The following ZNF462 variants were observed in gnomAD, a reference collection of about 807,000 sequenced individuals.
ZNF462 encodes the protein zinc finger protein 462, also known as zinc finger PBX1-interacting protein.
In ZNF462, 10 loss-of-function variants were observed where a neutral mutation model predicts 201.9. That is an observed-to-expected ratio of 0.05 (90% CI 0.03 to 0.08). ZNF462 has a LOEUF of 0.08. Among genes scored for constraint, ZNF462 ranks in the 10% least tolerant of loss-of-function variants. The pLI, the probability that ZNF462 is intolerant of heterozygous loss-of-function variation, is 1.00. For missense variants in ZNF462, 2,523 were observed against 3,168.3 expected, an observed-to-expected ratio of 0.80 and a Z score of 4.89; for synonymous variants, 1,227 against 1,193.3, an observed-to-expected ratio of 1.03 and a Z score of -0.58.
At position 106,917,848 on chromosome 9, in the gene ZNF462, ATATTTATT is replaced by A. The variant is rs57577781; in HGVS notation, c.-30-5468_-30-5461del. Among the ~76,000 whole-genome samples, 3,572 of 145,692 alleles carry A rather than the reference ATATTTATT, an allele frequency of 0.025. 113 individuals carry two copies. The highest frequency in any genetic ancestry group is 0.07 in the African/African-American group (2,762 of 39,452). On this transcript the variant is annotated intron_variant, in intron 1 of 12. Transcript: ENST00000277225. This position sits in a 1 kb window ranked among gnomAD's most constrained non-coding sequence, Gnocchi z 4.5. ...TATTTTGCTGGTTTATTATTTTTTT[ATATTTATT>A]TATTTATTTATTTATTTATTTATTT...
chr9:106,887,161 G>T (rs1201480064), intron 1 of ZNF462, among the ~76,000 whole-genome samples: 1 of 152,158 alleles, frequency 6.6e-6, no homozygotes. Flanking sequence ...GTAGCAGTTT[G>T]AACGAATGAT....
At chr9:106,877,643 G>A (rs2130897373) in intron 1 of ZNF462, among the ~76,000 whole-genome samples, 2 of 152,222 alleles carry the variant, frequency 1.3e-5, no homozygotes, top group Non-Finnish European at 2.9e-5. Flanking sequence ...GCCTCCCAAA[G>A]TGTTGGGCTT....
At chr9:106,871,815 A>T (rs1827604398) in intron 1 of ZNF462, among the ~76,000 whole-genome samples, 1 of 152,242 alleles carries the variant, frequency 6.6e-6, no homozygotes, top group Admixed American at 6.5e-5. Flanking sequence ...AAACAGCTGC[A>T]TTATTAATGG....
rs1266250670 is a variant in ZNF462 at position 107,011,350 on chromosome 9, A to G, written c.*320A>G. On this transcript the variant is annotated 3_prime_UTR_variant, in exon 13 of 13. Transcript: ENST00000277225. The surrounding 1 kb of genome is among the most constrained non-coding windows in gnomAD (Gnocchi z 5.6). ...GCACCCTGTGGTGGTCTTGGACAGT[A>G]TGTGGAAACAGAAGCTCCATGACGG... is the stretch of plus-strand genomic sequence containing the variant. 4.4e-6 allele frequency: 1 copy of G among 227,878 alleles called. No homozygotes were observed. The highest frequency in any genetic ancestry group is 8.6e-6 in the Non-Finnish European group (1 of 115,698). The allele number at this position is 227,878 out of a possible 1,614,324, so 14.1% of individuals were successfully genotyped here.
At chr9:106,958,423 C>T (rs1831677814) in intron 7 of ZNF462, among the ~76,000 whole-genome samples, 1 of 152,106 alleles carries the variant, frequency 6.6e-6, no homozygotes, top group Non-Finnish European at 1.5e-5. Context: ...TGTAGCTACA[C>T]TGAATACCCT....
chr9:106,980,205 T>G (rs552430298), intron 9 of ZNF462, among the ~76,000 whole-genome samples: 5 of 152,292 alleles, frequency 3.3e-5, no homozygotes, highest in Non-Finnish European at 7.4e-5. Flanking sequence ...GGAACTGTTT[T>G]GCTTGTGTTT....
At chr9:106,988,814 G>T (rs73524927) in intron 10 of ZNF462, among the ~76,000 whole-genome samples, 12,731 of 151,938 alleles carry the variant, frequency 0.084, 1,290 homozygotes, top group African/African-American at 0.24. Context: ...AAAAGGGGTT[G>T]GGTTCTTGAT....
chr9:106,875,130 TG>T (rs1827772291), intron 1 of ZNF462, among the ~76,000 whole-genome samples: 1 of 152,194 alleles, frequency 6.6e-6, no homozygotes, highest in South Asian at 2.1e-4. Flanking sequence ...GGTAAATATC[TG>T]ATGTTTCCAA....
chr9:106,887,310 T>C (rs761236338), intron 1 of ZNF462, among the ~76,000 whole-genome samples: 3 of 152,226 alleles, frequency 2.0e-5, no homozygotes, highest in Non-Finnish European at 2.9e-5. Flanking sequence ...TTACATGTTA[T>C]CCACAGCTGG....
chr9:106,973,135 A>G (rs1826721200), intron 8 of ZNF462, among the ~76,000 whole-genome samples: 1 of 152,218 alleles, frequency 6.6e-6, no homozygotes, highest in Non-Finnish European at 1.5e-5. Flanking sequence ...CAAAGCAAAC[A>G]CTAATAAGTG....
chr9:106,915,492 T>G (rs1382775158), intron 1 of ZNF462, among the ~76,000 whole-genome samples: 1 of 152,224 alleles, frequency 6.6e-6, no homozygotes, highest in Non-Finnish European at 1.5e-5. Flanking sequence ...TTAGCTTTCA[T>G]TTTTAGAACA....
chr9:106,901,975 A>G (rs1448714187), intron 1 of ZNF462, among the ~76,000 whole-genome samples: 1 of 151,994 alleles, frequency 6.6e-6, no homozygotes, highest in Non-Finnish European at 1.5e-5. Context: ...GAGTGGTGAG[A>G]GTGGACATCC....
In ZNF462 at chr9:106,950,864, C is replaced by A. The variant is rs1021255628; in HGVS notation, c.6427+11757C>A. 1.3e-5 allele frequency among the ~76,000 whole-genome samples: 2 copies of A among 152,050 alleles called. No homozygotes were observed. The highest frequency in any genetic ancestry group is 2.9e-5 in the Non-Finnish European group (2 of 68,014). On this transcript the variant is annotated intron_variant, in intron 7 of 12. Coordinates refer to ENST00000277225, the MANE Select transcript of ZNF462 (RefSeq NM_021224.6). This position sits in a 1 kb window ranked among gnomAD's most constrained non-coding sequence, Gnocchi z 4.1. ...CAGCACTTTGGGAGGCCAAGGCAGG[C>A]GGATTGCCTGAAGTCAGGAGTTCAA... is the stretch of plus-strand genomic sequence containing the variant.
rs2131611831 is a variant in ZNF462 at position 106,938,480 on chromosome 9, A to G, written c.6236-436A>G. Among the ~76,000 whole-genome samples the G allele has an allele frequency of 6.6e-6, 1 of 152,312 alleles. No individual in the cohort carries two copies. Among genetic ancestry groups the G allele is most frequent in the South Asian group, 2.1e-4 (1 of 4,828 alleles). On this transcript the variant is annotated intron_variant, in intron 6 of 12. Coordinates refer to ENST00000277225, the MANE Select transcript of ZNF462 (RefSeq NM_021224.6). This position sits in a 1 kb window ranked among gnomAD's most constrained non-coding sequence, Gnocchi z 4.4. ...ATGACTTTGTGATTAAAAAGCCACT[A>G]ATAGATCTTTGGAATAATAATTAAG...
In ZNF462 at chr9:106,972,935, G is replaced by A. The variant is rs574582633; in HGVS notation, c.6695+663G>A. Among the ~76,000 whole-genome samples, 120 of 152,308 alleles carry A rather than the reference G, an allele frequency of 7.9e-4. No homozygotes were observed. The highest frequency in any genetic ancestry group is 1.6e-3 in the Non-Finnish European group (108 of 68,032). ...TCTCATCCTGTGAGATAGCGTTTAG[G>A]TTAGTGGTTACAAGTGTAGAGTGTG... On this transcript the variant is annotated intron_variant, in intron 8 of 12. Transcript: ENST00000277225. This position sits in a 1 kb window ranked among gnomAD's most constrained non-coding sequence, Gnocchi z 4.8.
intron 7 of ZNF462, among the ~76,000 whole-genome samples, chr9:106,971,405 C>G (rs763666931): frequency 6.6e-6 from 1 of 151,048 alleles, no homozygotes; most frequent in Admixed American, 6.6e-5. Flanking sequence ...AACAAAAAAA[C>G]GGTTTACTTT....
Position 106,943,057 on chromosome 9 carries a change from C to CGTGTGTGTGTGTGTGT in ZNF462, c.6427+3951_6427+3952insTGTGTGTGTGTGTGTG, listed in dbSNP as rs577655863. ...TGGTAACATAGTTTTGTTTTGCGCG[C>CGTGTGTGTGTGTGTGT]GCGTGTGTGTGTGTGTGTGTGTGTG... On this transcript the variant is annotated intron_variant, in intron 7 of 12. Transcript: ENST00000277225. Among the ~76,000 whole-genome samples, 140 of 136,890 alleles carry CGTGTGTGTGTGTGTGT rather than the reference C, an allele frequency of 1.0e-3. 1 individual carries two copies. The East Asian group carries it at 0.013, about 12-fold the overall frequency. The allele number at this position is 136,890 out of a possible 152,430, so 89.8% of individuals were successfully genotyped here.
chr9:106,877,960 A>AG (rs1457921804), intron 1 of ZNF462, among the ~76,000 whole-genome samples: 1 of 152,120 alleles, frequency 6.6e-6, no homozygotes, highest in Non-Finnish European at 1.5e-5. Context: ...CAGACTCCCT[A>AG]GGACCCCTAA....
chr9:106,997,816 T>C lies in ZNF462; in HGVS notation c.7057-5478T>C, dbSNP rs146263582. 2.2e-3 allele frequency among the ~76,000 whole-genome samples: 339 copies of C among 152,288 alleles called. 4 individuals are homozygous for C. The highest frequency in any genetic ancestry group is 7.9e-3 in the African/African-American group (328 of 41,570). On this transcript the variant is annotated intron_variant, in intron 10 of 12. Transcript: ENST00000277225. Reference sequence around the variant, plus strand: ...ACCAAATCTAGTCCACCTCCTTTTTTATATGGTCCACTCTCTAAGGATGGT... The same window carrying C: ...ACCAAATCTAGTCCACCTCCTTTTTCATATGGTCCACTCTCTAAGGATGGT...
Sources: allele counts gnomAD v4.1 joint callset (sites outside exome capture counted in the v4.1 genomes callset), GRCh38; gene constraint gnomAD v4.1.1; non-coding constraint Gnocchi (gnomAD v3.1); transcripts MANE v1.5; gene names NCBI Gene and HGNC (gene_info 2026-07-23, HGNC 2026-07-21).